CTNNA2: variants seen among roughly 807,000 people sequenced by gnomAD.
CTNNA2 encodes the protein catenin alpha 2.
CTNNA2 carries 42 observed loss-of-function variants against 101.0 expected under a neutral mutation model. That is an observed-to-expected ratio of 0.42 (90% CI 0.32 to 0.54). The LOEUF (loss-of-function observed/expected upper bound fraction) is 0.54. Ranked by LOEUF, CTNNA2 falls within the 20% of genes least tolerant of loss-of-function variation. The probability of loss-of-function intolerance (pLI) is 0.14; values close to 1 mark genes in which losing one functional copy is unlikely to be tolerated. For synonymous variants in CTNNA2, 450 were observed against 456.4 expected (o/e 0.99, Z 0.18); for missense variants, 871 against 1,223.1 (o/e 0.71, Z 4.29).
At chr2:79,427,841 C>T (rs938771428) in intron 4 of CTNNA2, among the ~76,000 whole-genome samples, 1 of 150,088 alleles carries the variant, frequency 6.7e-6, no homozygotes, top group Admixed American at 6.8e-5. Context: ...TGCTCTGTGT[C>T]TTCAAAAATG....
chr2:80,105,141 A>G (rs1218739295), intron 7 of CTNNA2, among the ~76,000 whole-genome samples: 1 of 152,326 alleles, frequency 6.6e-6, no homozygotes, highest in Non-Finnish European at 1.5e-5. Context: ...GTTCCTTACT[A>G]TTCTCTGTGG....
At chr2:79,748,788 A>G (rs768672003) in intron 3 of CTNNA2, among the ~76,000 whole-genome samples, 6 of 152,078 alleles carry the variant, frequency 3.9e-5, no homozygotes, top group Non-Finnish European at 8.8e-5. Flanking sequence ...GATCTCTAAA[A>G]GTTTTCAGTA....
intron 7 of CTNNA2, among the ~76,000 whole-genome samples, chr2:80,200,218 T>C (rs910688504): frequency 2.6e-5 from 4 of 152,246 alleles, no homozygotes; most frequent in African/African-American, 7.2e-5. Flanking sequence ...ATGTATCATA[T>C]GTTTTATATA....
At chr2:80,020,152 A>G (rs1376251992) in intron 7 of CTNNA2, among the ~76,000 whole-genome samples, 3 of 152,238 alleles carry the variant, frequency 2.0e-5, no homozygotes, top group Non-Finnish European at 4.4e-5. Flanking sequence ...ACACTTTGCA[A>G]ATATGATATT....
At chr2:80,342,286 T>A (rs1436353950) in intron 7 of CTNNA2, among the ~76,000 whole-genome samples, 9 of 152,134 alleles carry the variant, frequency 5.9e-5, no homozygotes, top group Non-Finnish European at 1.3e-4. Context: ...TTTAGAAAAA[T>A]CAGCAAATAG....
chr2:80,537,573 C>T (rs1012349251), intron 9 of CTNNA2, among the ~76,000 whole-genome samples: 6 of 151,784 alleles, frequency 4.0e-5, no homozygotes, highest in East Asian at 1.9e-4. Context: ...TCCACAGCCT[C>T]GCAAGCATCT....
Position 80,302,688 on chromosome 2 carries a change from C to T in CTNNA2, c.1057-90523C>T, listed in dbSNP as rs1466238277. On this transcript the variant is annotated intron_variant, in intron 7 of 18. Transcript: ENST00000402739. This position sits in a 1 kb window ranked among gnomAD's most constrained non-coding sequence, Gnocchi z 6.4. ...GGCCCCAGATCACTGCGGTTGGTGACGGCCGAGAGCAGGTGGCCGCTGGTG... is the reference window on the plus strand; with the variant it reads ...GGCCCCAGATCACTGCGGTTGGTGATGGCCGAGAGCAGGTGGCCGCTGGTG... 5 of 1,612,306 alleles carry T rather than the reference C, an allele frequency of 3.1e-6. No homozygotes were observed. The highest frequency in any genetic ancestry group is 2.2e-5 in the East Asian group (1 of 44,840).
chr2:80,475,502 A>C (rs1685656345), intron 9 of CTNNA2, among the ~76,000 whole-genome samples: 1 of 152,184 alleles, frequency 6.6e-6, no homozygotes, highest in Admixed American at 6.5e-5. Context: ...CTCAACTACA[A>C]ATATGAGGTC....
chr2:80,220,129 G>C (rs1708493096), intron 7 of CTNNA2, among the ~76,000 whole-genome samples: 1 of 152,166 alleles, frequency 6.6e-6, no homozygotes, highest in South Asian at 2.1e-4. Context: ...TGGGGATACT[G>C]ACTGCAGTTC....
intron 17 of CTNNA2, among the ~76,000 whole-genome samples, chr2:80,611,599 G>A (rs1307009549): frequency 6.6e-6 from 1 of 151,440 alleles, no homozygotes; most frequent in African/African-American, 2.4e-5. Context: ...GGTTTAATCA[G>A]CACCTTTAAA....
At chr2:79,458,831 G>A (rs541606529) in intron 4 of CTNNA2, among the ~76,000 whole-genome samples, 12 of 151,932 alleles carry the variant, frequency 7.9e-5, no homozygotes, top group African/African-American at 1.2e-4. Context: ...TTTTTGCTCC[G>A]AAAAAGATTA....
At chr2:79,469,169 A>C (rs1670970714) in intron 4 of CTNNA2, among the ~76,000 whole-genome samples, 1 of 152,318 alleles carries the variant, frequency 6.6e-6, no homozygotes, top group South Asian at 2.1e-4. Context: ...AGAATCAAAT[A>C]GATGCACTAA....
chr2:79,304,232 G>A (rs1042498218), intron 2 of CTNNA2, among the ~76,000 whole-genome samples: 4 of 152,036 alleles, frequency 2.6e-5, no homozygotes, highest in Non-Finnish European at 4.4e-5. Context: ...CTTCTGGTAC[G>A]AAAAACTTAA....
chr2:80,041,527 C>T (rs549521436), intron 7 of CTNNA2, among the ~76,000 whole-genome samples: 1 of 152,134 alleles, frequency 6.6e-6, no homozygotes, highest in African/African-American at 2.4e-5. Flanking sequence ...AAAGACACTA[C>T]CTAGCAAAAT....
chr2:80,282,336 C>A (rs1159194070), intron 7 of CTNNA2, among the ~76,000 whole-genome samples: 1 of 151,826 alleles, frequency 6.6e-6, no homozygotes, highest in Non-Finnish European at 1.5e-5. Context: ...ATGAGAAAAG[C>A]GAGTACATTT....
At chr2:80,524,491 G>A (rs1052374849) in intron 9 of CTNNA2, among the ~76,000 whole-genome samples, 1 of 152,108 alleles carries the variant, frequency 6.6e-6, no homozygotes. Context: ...ATTGCCTACA[G>A]GTGAAAGTTG....
chr2:80,418,594 G>C (rs762831606), intron 8 of CTNNA2, among the ~76,000 whole-genome samples: 1 of 152,300 alleles, frequency 6.6e-6, no homozygotes, highest in Non-Finnish European at 1.5e-5. Flanking sequence ...AATAACGAAC[G>C]TGTGGGTGTC....
At chr2:79,193,944 A>G (rs1207059254) in intron 1 of CTNNA2, among the ~76,000 whole-genome samples, 2 of 152,252 alleles carry the variant, frequency 1.3e-5, no homozygotes, top group Non-Finnish European at 2.9e-5. Flanking sequence ...CACATAGTGC[A>G]TGCTGTTGCC....
At chr2:79,205,881 G>T (rs1674094182) in intron 2 of CTNNA2, among the ~76,000 whole-genome samples, 1 of 152,176 alleles carries the variant, frequency 6.6e-6, no homozygotes, top group Non-Finnish European at 1.5e-5. Context: ...TCAGGGAGAG[G>T]AAGTAATTTG....
Sources: gnomAD v4.1 joint callset for allele counts (sites outside exome capture counted in the v4.1 genomes callset) on GRCh38, gnomAD v4.1.1 for gene constraint, Gnocchi (gnomAD v3.1) non-coding constraint, MANE v1.5 for transcripts, NCBI Gene and HGNC (gene_info 2026-07-23, HGNC 2026-07-21) for gene names.